Variants in APC observed in about 807,000 individuals in gnomAD.
APC encodes the protein adenomatous polyposis coli protein.
Under a neutral mutation model 247.0 loss-of-function variants are expected in APC, and 72 were observed. That is an observed-to-expected ratio of 0.29 (90% CI 0.24 to 0.35). The LOEUF is 0.35. APC is among the 10% of genes least tolerant of loss of function. The pLI is 1.00. For synonymous variants in APC, 1,254 were observed against 1,162.5 expected (o/e 1.08, Z -1.60); for missense variants, 3,400 against 3,360.7 (o/e 1.01, Z -0.29).
intron 1 of APC, among the ~76,000 whole-genome samples, chr5:112,746,274 T>G (rs1753666856): frequency 6.6e-6 from 1 of 152,140 alleles, no homozygotes; most frequent in African/African-American, 2.4e-5. Context: ...CTCTTTTGAG[T>G]ATCCGTCACT....
At chr5:112,767,885 A>G (rs1756539073) in intron 4 of APC, among the ~76,000 whole-genome samples, 1 of 152,058 alleles carries the variant, frequency 6.6e-6, no homozygotes, top group East Asian at 1.9e-4. Flanking sequence ...TACATTGAGT[A>G]ATACACATAA....
Position 112,841,433 on chromosome 5 carries a change from A to G in APC, c.5839A>G (p.Thr1947Ala), listed in dbSNP as rs746346292. Residue 1947 changes from threonine to alanine, a missense_variant, in exon 16 of 16, where the codon ACT becomes GCT. Physicochemically the swap from Thr to Ala is moderately conservative, Grantham distance 58 (BLOSUM62 0). Around this residue, in one of 9 missense-constraint regions of APC, gnomAD observed 1,788 missense variants for 1,649.5 expected, o/e 1.08. Coordinates refer to ENST00000257430, the MANE Select transcript of APC (RefSeq NM_000038.6). This position sits in a 1 kb window ranked among gnomAD's most constrained non-coding sequence, Gnocchi z 4.6. ...AGACATACCAGACAGAGGGGCAGCA[A>G]CTGATGAAAAGTTACAGAATTTTGC... ...SKDIPDRGAA[T>A]DEKLQNFAIE... is the part of the protein sequence containing the mutation. The G allele has an allele frequency of 3.2e-5, 52 of 1,613,926 alleles. No individual in the cohort carries two copies. The highest frequency in any genetic ancestry group is 4.2e-5 in the Non-Finnish European group (50 of 1,179,920).
chr5:112,776,183 A>G (rs1234687058), intron 5 of APC, among the ~76,000 whole-genome samples: 1 of 152,216 alleles, frequency 6.6e-6, no homozygotes, highest in Non-Finnish European at 1.5e-5. Context: ...TAGCACGGAT[A>G]TTAGCATTTT....
At chr5:112,775,582 T>G in intron 4 of APC, 47 bp from the exon 5 acceptor site, 1 of 1,174,854 alleles carries the variant, frequency 8.5e-7, no homozygotes, top group Non-Finnish European at 1.3e-6. Context: ...TCTGCAGTCT[T>G]TATTAGCATT....
At position 112,843,828 on chromosome 5, in the gene APC, C is replaced by T. The variant is rs759421641; in HGVS notation, c.8234C>T (p.Pro2745Leu). 2.5e-6 allele frequency: 4 copies of T among 1,613,964 alleles called. No individual in the cohort carries two copies. The highest frequency in any genetic ancestry group is 1.7e-5 in the Admixed American group (1 of 59,998). The change falls in exon 16 of 16, where the codon CCT becomes CTT. Residue 2745 changes from proline (P) to leucine (L), a missense_variant. By Grantham distance (98) the Pro-to-Leu change is moderately conservative. This residue lies in a region of APC where 1,788 missense variants were observed against 1,649.5 expected (regional missense o/e 1.08). Coordinates refer to ENST00000257430, the MANE Select transcript of APC (RefSeq NM_000038.6). This position sits in a 1 kb window ranked among gnomAD's most constrained non-coding sequence, Gnocchi z 4.8. ...GAGATAAAACCAGGACAAAATAATCCTGTCCCTGTATCAGAGACTAATGAA... is the reference window on the plus strand; with the variant it reads ...GAGATAAAACCAGGACAAAATAATCTTGTCCCTGTATCAGAGACTAATGAA... ...GTEIKPGQNN[P>L]VPVSETNESS... is the part of the protein sequence containing the mutation.
rs374211770 is a variant in APC at position 112,721,853 on chromosome 5, C to T, written c.165+13971C>T. ...TTGGGCCACACATAAAATACACTAACACTAACAATAGCTGATGAGCTTGAA... is the reference window on the plus strand; with the variant it reads ...TTGGGCCACACATAAAATACACTAATACTAACAATAGCTGATGAGCTTGAA... On this transcript the variant is annotated intron_variant, in intron 1 of 13. Transcript: ENST00000507379. 6.6e-4 allele frequency among the ~76,000 whole-genome samples: 100 copies of T among 151,906 alleles called. 4 individuals are homozygous for T. The South Asian group carries it at 0.02, about 31-fold the overall frequency.
chr5:112,726,106 G>A (rs907010544), intron 1 of APC, among the ~76,000 whole-genome samples: 4 of 152,280 alleles, frequency 2.6e-5, no homozygotes, highest in Admixed American at 6.5e-5. Flanking sequence ...CCTGGGCTCC[G>A]GCCCCCTGGC....
intron 8 of APC, 67 bp downstream of exon 8, chr5:112,801,450 G>A: frequency 8.5e-7 from 1 of 1,180,510 alleles, no homozygotes; most frequent in Non-Finnish European, 1.2e-6. Flanking sequence ...AAGCAAGATG[G>A]TTCTAAGAAT....
chr5:112,716,235 A>G (rs968849192), intron 1 of APC, among the ~76,000 whole-genome samples: 2 of 152,080 alleles, frequency 1.3e-5, no homozygotes, highest in Admixed American at 1.3e-4. Flanking sequence ...CATTTTAGCT[A>G]GTTCTATTAC....
chr5:112,735,554 G>T (rs1421843916), upstream of APC, among the ~76,000 whole-genome samples: 4 of 151,322 alleles, frequency 2.6e-5, no homozygotes, highest in Non-Finnish European at 5.9e-5. Flanking sequence ...CAATCAAATA[G>T]AGATGGCAGG....
At position 112,841,121 on chromosome 5, in the gene APC, C is replaced by T. The variant is rs1461006300; in HGVS notation, c.5527C>T (p.Pro1843Ser). 16 of 1,612,718 alleles carry T rather than the reference C, an allele frequency of 9.9e-6. No homozygotes were observed. Among genetic ancestry groups the T allele is most frequent in the Non-Finnish European group, 1.4e-5 (16 of 1,178,782 alleles). The change falls in exon 16 of 16, where the codon CCT (proline) becomes TCT (serine). Residue 1843 changes from proline (P) to serine (S), a missense_variant. By Grantham distance (74) the Pro-to-Ser change is moderately conservative. Around this residue, in one of 9 missense-constraint regions of APC, gnomAD observed 1,788 missense variants for 1,649.5 expected, o/e 1.08. Transcript: ENST00000257430. This position sits in a 1 kb window ranked among gnomAD's most constrained non-coding sequence, Gnocchi z 4.6. The stretch of plus-strand genomic sequence containing the variant: ...CAGAGGAAGTTTTGCTTTTGATTCA[C>T]CTCATCATTACACGCCTATTGAAGG... ...RVRGSFAFDSPHHYTPIEGTP... is the reference protein window; with the variant it reads ...RVRGSFAFDSSHHYTPIEGTP...
At chr5:112,803,239 G>A (rs1211467829) in intron 8 of APC, among the ~76,000 whole-genome samples, 1 of 152,138 alleles carries the variant, frequency 6.6e-6, no homozygotes, top group African/African-American at 2.4e-5. Context: ...TATTTATAAT[G>A]TGCCTGTTGT....
intron 5 of APC, among the ~76,000 whole-genome samples, chr5:112,776,925 G>A (rs1757725738): frequency 6.6e-6 from 1 of 152,184 alleles, no homozygotes; most frequent in East Asian, 1.9e-4. Context: ...GTCTTGTTTA[G>A]CTAATTAAAA....
intron 6 of APC, among the ~76,000 whole-genome samples, chr5:112,790,585 T>A (rs1759465688): frequency 6.6e-6 from 1 of 152,194 alleles, no homozygotes; most frequent in Non-Finnish European, 1.5e-5. Flanking sequence ...TGCCTCGGCC[T>A]CCTGAAGTGC....
intron 4 of APC, among the ~76,000 whole-genome samples, chr5:112,774,635 A>G (rs527712214): frequency 6.6e-6 from 1 of 151,400 alleles, no homozygotes; most frequent in Admixed American, 6.6e-5. Context: ...TAGTTTTTGT[A>G]TTTTTTTGTA....
chr5:112,828,628 T>A (rs575284408), intron 13 of APC, among the ~76,000 whole-genome samples: 86 of 151,928 alleles, frequency 5.7e-4, no homozygotes, highest in Non-Finnish European at 1.2e-3. Flanking sequence ...TTAAAAAGTT[T>A]TCATAGAGAC....
chr5:112,726,427 C>G (rs1355793803), intron 1 of APC, among the ~76,000 whole-genome samples: 1 of 152,168 alleles, frequency 6.6e-6, no homozygotes, highest in Non-Finnish European at 1.5e-5. Context: ...CCATCCCCAG[C>G]CAAACTCCTC....
intron 4 of APC, among the ~76,000 whole-genome samples, chr5:112,774,092 A>G (rs1416699900): frequency 6.6e-6 from 1 of 152,182 alleles, no homozygotes; most frequent in Non-Finnish European, 1.5e-5. Context: ...GTATAAGGCT[A>G]TTCAATGCAG....
chr5:112,801,118 A>G (rs1760771948), intron 7 of APC, among the ~76,000 whole-genome samples, 161 bp from the exon 8 acceptor site: 1 of 152,116 alleles, frequency 6.6e-6, no homozygotes, highest in Admixed American at 6.6e-5. Flanking sequence ...GTCGACCGCC[A>G]ATCGTACTGG....
Sources: allele counts gnomAD v4.1 joint callset (sites outside exome capture counted in the v4.1 genomes callset), GRCh38; gene constraint gnomAD v4.1.1; regional missense constraint gnomAD v4.1.1; non-coding constraint Gnocchi (gnomAD v3.1); transcripts MANE v1.5; gene names NCBI Gene and HGNC (gene_info 2026-07-23, HGNC 2026-07-21).